The following SLC44A1 variants were observed in gnomAD, a reference collection of about 807,000 sequenced individuals.
SLC44A1 encodes choline transporter-like protein 1.
A neutral mutation model predicts 79.3 loss-of-function variants in SLC44A1; 26 were observed. That is an observed-to-expected ratio of 0.33 (90% CI 0.24 to 0.46). SLC44A1 has a LOEUF of 0.46. SLC44A1 is among the 20% of genes least tolerant of loss of function. SLC44A1 has a pLI of 1.00. For synonymous variants in SLC44A1, 263 were observed against 286.2 expected, an observed-to-expected ratio of 0.92 and a Z score of 0.82; for missense variants, 688 against 798.1, an observed-to-expected ratio of 0.86 and a Z score of 1.66.
At chr9:105,298,500 C>T (rs1344976857) in intron 1 of SLC44A1, among the ~76,000 whole-genome samples, 2 of 152,154 alleles carry the variant, frequency 1.3e-5, no homozygotes, top group African/African-American at 4.8e-5. Flanking sequence ...TTACAGCCCA[C>T]CACCACGCCC....
chr9:105,344,502 T>A (rs1827188842), intron 4 of SLC44A1, among the ~76,000 whole-genome samples: 1 of 152,158 alleles, frequency 6.6e-6, no homozygotes. Context: ...CCAAGAATTG[T>A]CCAGCACAAA....
chr9:105,305,054 T>G (rs1830990109), intron 2 of SLC44A1, among the ~76,000 whole-genome samples: 1 of 144,672 alleles, frequency 6.9e-6, no homozygotes, highest in Admixed American at 7.1e-5. Flanking sequence ...CACTGCAGTC[T>G]TGAACTCCTG....
rs977307563 is a variant in SLC44A1, at chr9:105,396,184, TAAA to T, written c.*7131_*7133del. ...TTGGAGTTTTCTGACTTCTTCCCTA[TAAA>T]AAGATACTGAGAGCTCCATAATGAA... On this transcript the variant is annotated 3_prime_UTR_variant, in exon 16 of 16. Transcript: ENST00000374720. 2.0e-6 allele frequency: 2 copies of T among 985,238 alleles called. No homozygotes were observed. Among genetic ancestry groups the T allele is most frequent in the African/African-American group, 3.5e-5 (2 of 57,224 alleles). The allele number at this position is 985,238 out of a possible 1,614,324, so 61.0% of individuals were successfully genotyped here. A position where few individuals can be genotyped will look rare whatever the true frequency, so the allele number is the denominator to read the frequency against.
At chr9:105,265,474 T>C (rs1454360300) in intron 1 of SLC44A1, among the ~76,000 whole-genome samples, 2 of 152,280 alleles carry the variant, frequency 1.3e-5, no homozygotes, top group Admixed American at 6.5e-5. Flanking sequence ...ATCAATAGTT[T>C]GTTTTTATGG....
intron 13 of SLC44A1, 23 bp downstream of exon 13, chr9:105,374,758 C>T: frequency 1.3e-6 from 2 of 1,565,370 alleles, no homozygotes; most frequent in Non-Finnish European, 8.7e-7. Context: ...ATTTTTTCTG[C>T]AACATACAGT....
intron 4 of SLC44A1, among the ~76,000 whole-genome samples, chr9:105,342,428 G>A (rs1448136001): frequency 6.6e-6 from 1 of 152,070 alleles, no homozygotes; most frequent in Non-Finnish European, 1.5e-5. Flanking sequence ...CCACAGCTTC[G>A]GGCATCCACC....
Position 105,396,785 on chromosome 9 carries a change from T to G in SLC44A1, c.*7729T>G. The G allele has an allele frequency of 1.0e-6, 1 of 985,282 alleles. No individual in the cohort carries two copies. Among genetic ancestry groups the G allele is most frequent in the Non-Finnish European group, 1.2e-6 (1 of 829,816 alleles). The allele number at this position is 985,282 out of a possible 1,614,324, so 61.0% of individuals were successfully genotyped here. On this transcript the variant is annotated 3_prime_UTR_variant, in exon 16 of 16. Coordinates refer to ENST00000374720, the MANE Select transcript of SLC44A1 (RefSeq NM_080546.5). The stretch of plus-strand genomic sequence containing the variant: ...CCAAAATGAATTTTTGTATCTTGTC[T>G]TGTCTTTGTCCATTATAAACTGGAG...
At chr9:105,293,584 G>T (rs970463537) in intron 1 of SLC44A1, among the ~76,000 whole-genome samples, 2 of 152,086 alleles carry the variant, frequency 1.3e-5, no homozygotes, top group Non-Finnish European at 2.9e-5. Flanking sequence ...ATGCATAATT[G>T]CCAGACCTTT....
chr9:105,347,892 T>C (rs1282151464), intron 4 of SLC44A1, among the ~76,000 whole-genome samples: 1 of 152,086 alleles, frequency 6.6e-6, no homozygotes, highest in Non-Finnish European at 1.5e-5. Flanking sequence ...ACAGGCATAA[T>C]GTGTAGCTGA....
intron 15 of SLC44A1, among the ~76,000 whole-genome samples, chr9:105,416,803 A>C (rs1829177404): frequency 6.6e-6 from 1 of 152,200 alleles, no homozygotes; most frequent in Non-Finnish European, 1.5e-5. Flanking sequence ...TAAATTTAAG[A>C]TTTGCTTTTT....
chr9:105,270,867 A>G (rs1830060071), intron 1 of SLC44A1, among the ~76,000 whole-genome samples: 1 of 152,206 alleles, frequency 6.6e-6, no homozygotes, highest in African/African-American at 2.4e-5. Context: ...GTATCAACTT[A>G]CATTGTTTCT....
In SLC44A1 at chr9:105,330,133, C is replaced by T. The variant is rs145548567; in HGVS notation, c.270-5430C>T. ...TTCTTATCCTATTTAATTCCTGTCACGTGAGTGTTGCATACCACATAGAGT... is the reference window on the plus strand; with the variant it reads ...TTCTTATCCTATTTAATTCCTGTCATGTGAGTGTTGCATACCACATAGAGT... On this transcript the variant is annotated intron_variant, in intron 3 of 15. Coordinates refer to ENST00000374720, the MANE Select transcript of SLC44A1 (RefSeq NM_080546.5). 2.0e-4 allele frequency among the ~76,000 whole-genome samples: 31 copies of T among 152,314 alleles called. 1 individual carries two copies. In the East Asian group the frequency reaches 2.9e-3, roughly 14 times the overall value.
intron 3 of SLC44A1, among the ~76,000 whole-genome samples, chr9:105,312,838 G>A (rs190520461): frequency 9.9e-5 from 15 of 152,108 alleles, no homozygotes; most frequent in South Asian, 2.1e-4. Context: ...ATTCTTGGTC[G>A]TCTTATCTCT....
At chr9:105,339,821 A>T (rs141454627) in intron 4 of SLC44A1, among the ~76,000 whole-genome samples, 2 of 152,276 alleles carry the variant, frequency 1.3e-5, no homozygotes, top group African/African-American at 4.8e-5. Context: ...ACCCTGTCTC[A>T]AAAAAACCTC....
intron 1 of SLC44A1, among the ~76,000 whole-genome samples, chr9:105,255,844 A>G (rs1169408439): frequency 6.6e-6 from 1 of 152,206 alleles, no homozygotes; most frequent in African/African-American, 2.4e-5. Flanking sequence ...AATATAAACA[A>G]TAATAAAACT....
chr9:105,358,346 C>T lies in SLC44A1; in HGVS notation c.673C>T (p.Leu225=), dbSNP rs755773290. ...TATGTTCTCTATCTTCCCTGCAGTT[C>T]TATCCATGATTTTGATGGTGATAAT... ...ILGLCLLSLV[L]SMILMVIIRY... The change falls in exon 7 of 16, where the codon CTA becomes TTA. Residue 225 remains leucine (L), a splice_region_variant and synonymous_variant. Transcript: ENST00000374720. The T allele has an allele frequency of 6.1e-5, 93 of 1,521,620 alleles. No homozygotes were observed. Among genetic ancestry groups the T allele is most frequent in the Non-Finnish European group, 8.0e-5 (88 of 1,097,148 alleles). The allele number at this position is 1,521,620 out of a possible 1,614,324, so 94.3% of individuals were successfully genotyped here.
chr9:105,409,991 T>C (rs1278726602), intron 15 of SLC44A1, among the ~76,000 whole-genome samples: 1 of 152,104 alleles, frequency 6.6e-6, no homozygotes, highest in African/African-American at 2.4e-5. Context: ...AAGATTTAAA[T>C]CATATAAAGT....
intron 4 of SLC44A1, among the ~76,000 whole-genome samples, chr9:105,337,069 A>C (rs1826945988): frequency 1.3e-5 from 2 of 152,238 alleles, no homozygotes; most frequent in Admixed American, 1.3e-4. Context: ...TTTTATTCCC[A>C]TATTGTATCC....
At chr9:105,308,360 A>G (rs2131306188) in intron 2 of SLC44A1, among the ~76,000 whole-genome samples, 1 of 152,354 alleles carries the variant, frequency 6.6e-6, no homozygotes, top group South Asian at 2.1e-4. Flanking sequence ...CAACAGCCTG[A>G]TGAGCTACAA....
Sources: gnomAD v4.1 joint callset for allele counts (sites outside exome capture counted in the v4.1 genomes callset) on GRCh38, gnomAD v4.1.1 for gene constraint, MANE v1.5 for transcripts, NCBI Gene and HGNC (gene_info 2026-07-23, HGNC 2026-07-21) for gene names.